Variants in EEFSEC observed in about 807,000 individuals in gnomAD.
The protein encoded by EEFSEC is selenocysteine-specific elongation factor.
A neutral mutation model predicts 42.1 loss-of-function variants in EEFSEC; 43 were observed. The observed-to-expected ratio is 1.02, with a 90% CI of 0.80 to 1.32. EEFSEC has a LOEUF of 1.32. Ranked by LOEUF, EEFSEC falls within the 40% of genes most tolerant of loss-of-function variation. The pLI, the probability that EEFSEC is intolerant of heterozygous loss-of-function variation, is 0.00. For missense variants in EEFSEC, 745 were observed against 803.6 expected (o/e 0.93, Z 0.88); for synonymous variants, 354 against 339.1 (o/e 1.04, Z -0.48).
chr3:128,196,010 G>A (rs2811484), intron 1 of EEFSEC, among the ~76,000 whole-genome samples: 19,579 of 152,328 alleles, frequency 0.13, 1,523 homozygotes, highest in Admixed American at 0.2. Context: ...CTTTCTGCGA[G>A]GGCCTGCAAA....
intron 4 of EEFSEC, among the ~76,000 whole-genome samples, chr3:128,270,902 T>A (rs896528346): frequency 4.6e-5 from 7 of 152,162 alleles, no homozygotes; most frequent in Non-Finnish European, 8.8e-5. Flanking sequence ...TCTTTGTGCC[T>A]GCATCTCCTG....
chr3:128,382,906 T>G (rs1279367252), intron 6 of EEFSEC, among the ~76,000 whole-genome samples: 1 of 152,246 alleles, frequency 6.6e-6, no homozygotes, highest in Non-Finnish European at 1.5e-5. Flanking sequence ...CCAGCTCATT[T>G]GTCCACACAA....
At chr3:128,167,739 G>C (rs2065255662) in intron 1 of EEFSEC, among the ~76,000 whole-genome samples, 1 of 152,140 alleles carries the variant, frequency 6.6e-6, no homozygotes, top group Admixed American at 6.5e-5. Flanking sequence ...ACATCCTTCT[G>C]ATTTTGAGTT....
intron 4 of EEFSEC, among the ~76,000 whole-genome samples, chr3:128,280,919 C>T (rs1197144160): frequency 3.3e-5 from 5 of 152,196 alleles, no homozygotes; most frequent in African/African-American, 4.8e-5. Context: ...AGGCTGAGGC[C>T]GCATTGTTTG....
At chr3:128,391,655 C>T (rs1576696880) in intron 6 of EEFSEC, among the ~76,000 whole-genome samples, 1 of 152,208 alleles carries the variant, frequency 6.6e-6, no homozygotes, top group African/African-American at 2.4e-5. Flanking sequence ...AAGTTTGGTT[C>T]CTGGCACCCG....
chr3:128,422,805 C>G, the EEFSEC span, among the ~76,000 whole-genome samples: 2 of 152,246 alleles, frequency 1.3e-5, no homozygotes, highest in Non-Finnish European at 2.9e-5. Context: ...ACCCCAGGGA[C>G]AGCCAGCCCA....
At chr3:128,358,434 AG>A in intron 6 of EEFSEC, 61 bp downstream of exon 6, 1 of 1,583,334 alleles carries the variant, frequency 6.3e-7, no homozygotes, top group Non-Finnish European at 8.6e-7. Flanking sequence ...GAGATGGCAG[AG>A]GTGATGCCAA....
At chr3:128,373,306 T>C (rs1028532436) in intron 6 of EEFSEC, among the ~76,000 whole-genome samples, 3 of 152,138 alleles carry the variant, frequency 2.0e-5, no homozygotes, top group Non-Finnish European at 2.9e-5. Context: ...CTGGCACCCA[T>C]TGTGTGGATG....
chr3:128,369,018 CTG>C (rs1312216279), intron 6 of EEFSEC, among the ~76,000 whole-genome samples: 1 of 152,244 alleles, frequency 6.6e-6, no homozygotes, highest in Non-Finnish European at 1.5e-5. Context: ...TGTGTGGTCT[CTG>C]TGTTGGCACC....
intron 6 of EEFSEC, among the ~76,000 whole-genome samples, chr3:128,363,717 A>C (rs910772970): frequency 6.6e-6 from 1 of 152,182 alleles, no homozygotes; most frequent in African/African-American, 2.4e-5. Flanking sequence ...GCAGAAGGGG[A>C]TGGATTTACA....
chr3:128,253,502 C>G (rs1275081189), intron 2 of EEFSEC, among the ~76,000 whole-genome samples: 2 of 152,184 alleles, frequency 1.3e-5, no homozygotes, highest in Admixed American at 6.5e-5. Context: ...ATGGTATGGA[C>G]ACCACCAAGC....
the EEFSEC span, among the ~76,000 whole-genome samples, chr3:128,423,846 G>GT: frequency 6.6e-6 from 1 of 152,204 alleles, no homozygotes; most frequent in Non-Finnish European, 1.5e-5. Context: ...CAATAAAATT[G>GT]TTTTTTAAAA....
chr3:128,335,241 TC>T (rs1489299008), intron 4 of EEFSEC, among the ~76,000 whole-genome samples: 26 of 152,320 alleles, frequency 1.7e-4, no homozygotes, highest in African/African-American at 6.3e-4. Flanking sequence ...GAGGTTCCAT[TC>T]CAGTGCGGGA....
chr3:128,412,837 C>T (rs1431063377), downstream of EEFSEC, among the ~76,000 whole-genome samples: 2 of 152,220 alleles, frequency 1.3e-5, no homozygotes, highest in African/African-American at 4.8e-5. Context: ...TCTACAGGGG[C>T]TCCATTCCCT....
intron 1 of EEFSEC, among the ~76,000 whole-genome samples, chr3:128,205,431 G>A (rs939357058): frequency 2.0e-5 from 3 of 152,144 alleles, no homozygotes; most frequent in Non-Finnish European, 2.9e-5. Flanking sequence ...CTCCTGCTGC[G>A]GGGGTGCCCT....
chr3:128,373,241 G>A (rs2067673677), intron 6 of EEFSEC, among the ~76,000 whole-genome samples: 1 of 152,206 alleles, frequency 6.6e-6, no homozygotes, highest in African/African-American at 2.4e-5. Context: ...GGAGCCAGTG[G>A]AGTGTGGAGT....
At chr3:128,344,251 G>A (rs1215376879) in intron 5 of EEFSEC, among the ~76,000 whole-genome samples, 2 of 152,260 alleles carry the variant, frequency 1.3e-5, no homozygotes, top group Non-Finnish European at 2.9e-5. Context: ...CCACTCTACT[G>A]ATTAAGCATA....
At chr3:128,183,569 T>G (rs2065433918) in intron 1 of EEFSEC, among the ~76,000 whole-genome samples, 1 of 152,248 alleles carries the variant, frequency 6.6e-6, no homozygotes, top group African/African-American at 2.4e-5. Flanking sequence ...ATTGGAAATG[T>G]GACCTGGAAC....
At chr3:128,245,000 TC>T (rs1357537933) in intron 1 of EEFSEC, among the ~76,000 whole-genome samples, 5 of 152,380 alleles carry the variant, frequency 3.3e-5, no homozygotes, top group African/African-American at 1.2e-4. Flanking sequence ...TTACCTAGTT[TC>T]CAGCATTAGC....
Sources: gnomAD v4.1 joint callset for allele counts (sites outside exome capture counted in the v4.1 genomes callset) on GRCh38, gnomAD v4.1.1 for gene constraint, MANE v1.5 for transcripts, NCBI Gene and HGNC (gene_info 2026-07-23, HGNC 2026-07-21) for gene names.